The following WNT7B variants were observed in gnomAD, a reference collection of about 807,000 sequenced individuals.
The protein encoded by WNT7B is Wnt family member 7B, also known as protein Wnt-7b.
In WNT7B, 19 loss-of-function variants were observed where a neutral mutation model predicts 38.2. The ratio of observed to expected loss-of-function variants is 0.50; its 90% confidence interval spans 0.35 to 0.73. WNT7B has a LOEUF of 0.73. Among genes scored for constraint, WNT7B ranks in the 30% least tolerant of loss-of-function variants. WNT7B has a pLI of 0.01. For missense variants in WNT7B, 423 were observed against 507.9 expected, an observed-to-expected ratio of 0.83 and a Z score of 1.61; for synonymous variants, 243 against 209.3, an observed-to-expected ratio of 1.16 and a Z score of -1.39.
intron 3 of WNT7B, chr22:45,925,804 C>G: frequency 1.0e-6 from 1 of 985,448 alleles, no homozygotes; most frequent in Non-Finnish European, 1.2e-6. Flanking sequence ...TCACCCCACC[C>G]CGGGCTGCTC....
intron 2 of WNT7B, among the ~76,000 whole-genome samples, chr22:45,942,189 G>A (rs1047870556): frequency 1.3e-5 from 2 of 152,228 alleles, no homozygotes; most frequent in African/African-American, 4.8e-5. Context: ...AGCTCCTGGT[G>A]TTACCCGGCC....
At chr22:45,964,190 T>C (rs1932259701) in intron 1 of WNT7B, among the ~76,000 whole-genome samples, 1 of 152,006 alleles carries the variant, frequency 6.6e-6, no homozygotes, top group East Asian at 1.9e-4. Context: ...CCGGAGCCAC[T>C]GACTCCCTAT....
chr22:45,972,212 G>A (rs1306168830), intron 1 of WNT7B: 1 of 649,350 alleles, frequency 1.5e-6, no homozygotes, highest in Non-Finnish European at 2.8e-6. Flanking sequence ...GGAGACGAGC[G>A]CGCTGCGCGG....
intron 1 of WNT7B, among the ~76,000 whole-genome samples, chr22:45,974,743 C>T (rs892118825): frequency 2.0e-4 from 31 of 152,262 alleles, no homozygotes; most frequent in East Asian, 7.7e-4. Context: ...CACAGGTGCC[C>T]GGGGCTCAGG....
chr22:45,930,344 T>G (rs1931298926), intron 3 of WNT7B, among the ~76,000 whole-genome samples: 2 of 152,248 alleles, frequency 1.3e-5, no homozygotes, highest in Admixed American at 1.3e-4. Context: ...GTCCCACACC[T>G]GAGAAGCCCC....
intron 3 of WNT7B, chr22:45,926,037 C>T (rs1339861269): frequency 3.0e-6 from 3 of 985,330 alleles, no homozygotes; most frequent in Non-Finnish European, 2.4e-6. Flanking sequence ...CATGCTACTG[C>T]CCGCCTGGGG....
intron 2 of WNT7B, among the ~76,000 whole-genome samples, chr22:45,941,509 C>CA (rs1166391533): frequency 0.027 from 2,103 of 79,188 alleles, 20 homozygotes; most frequent in Middle Eastern, 0.072. Flanking sequence ...GCCTTTGTCT[C>CA]AAAAAAAAAA....
At chr22:45,943,371 G>A (rs1601726813) in intron 2 of WNT7B, among the ~76,000 whole-genome samples, 2 of 152,254 alleles carry the variant, frequency 1.3e-5, no homozygotes, top group Admixed American at 6.5e-5. Flanking sequence ...CCTTTGTTCC[G>A]ACCCAGCGGA....
At chr22:45,955,183 G>A (rs1055225624) in intron 1 of WNT7B, among the ~76,000 whole-genome samples, 4 of 152,162 alleles carry the variant, frequency 2.6e-5, no homozygotes, top group Non-Finnish European at 4.4e-5. Context: ...GCTGCCCCGG[G>A]CACTGTCCAG....
intron 3 of WNT7B, among the ~76,000 whole-genome samples, chr22:45,930,120 ACT>A (rs1219573658): frequency 7.9e-5 from 12 of 152,122 alleles, no homozygotes; most frequent in African/African-American, 2.2e-4. Flanking sequence ...TCACTCTGAC[ACT>A]CTCCTACACA....
chr22:45,941,124 G>A (rs571921916), intron 2 of WNT7B, among the ~76,000 whole-genome samples: 4 of 152,322 alleles, frequency 2.6e-5, no homozygotes, highest in African/African-American at 4.8e-5. Flanking sequence ...GACCCGCCAG[G>A]TAGAGGAGGT....
At position 45,931,094 on chromosome 22, in the gene WNT7B, C is replaced by T. The variant is rs1445002014; in HGVS notation, c.570+4G>A. ...GGCCCCCACCAGCCGCACCCGCACC[C>T]TACCTTCCTGCCGGCCTCATTGTTA... On this transcript the variant is annotated splice_donor_region_variant and intron_variant, in intron 3 of 3. Coordinates refer to ENST00000339464, the MANE Select transcript of WNT7B (RefSeq NM_058238.3). The T allele has an allele frequency of 1.3e-6, 2 of 1,570,572 alleles. No homozygotes were observed. Among genetic ancestry groups the T allele is most frequent in the South Asian group, 2.3e-5 (2 of 87,838 alleles).
At chr22:45,961,353 G>T (rs888598253) in intron 1 of WNT7B, among the ~76,000 whole-genome samples, 1 of 152,206 alleles carries the variant, frequency 6.6e-6, no homozygotes, top group Non-Finnish European at 1.5e-5. Context: ...TTGGCAAGTG[G>T]CAGGGGAGGC....
intron 3 of WNT7B, chr22:45,927,586 G>A (rs748018111): frequency 3.8e-6 from 4 of 1,043,692 alleles, no homozygotes; most frequent in South Asian, 1.4e-5. Context: ...TAAATCCAAT[G>A]AGAGTGTCCA....
rs1932534685 is a variant in WNT7B at position 45,975,645 on chromosome 22, T to G, written c.71+1039A>C. The G allele has an allele frequency of 4.2e-6, 3 of 710,316 alleles. No homozygotes were observed. In the Admixed American group the frequency reaches 6.0e-5, roughly 14 times the overall value. The allele number at this position is 710,316 out of a possible 1,614,324, so 44.0% of individuals were successfully genotyped here. Reference sequence around the variant, plus strand: ...CCTGGGAAGCCGCGTCTCCCACCAGTGGTACCTGCACCTGCCCCTCCCGCG... The same window carrying G: ...CCTGGGAAGCCGCGTCTCCCACCAGGGGTACCTGCACCTGCCCCTCCCGCG... On this transcript the variant is annotated intron_variant, in intron 1 of 3. Transcript: ENST00000339464. This position sits in a 1 kb window ranked among gnomAD's most constrained non-coding sequence, Gnocchi z 6.6.
At chr22:45,938,178 C>G (rs1931558010) in intron 2 of WNT7B, among the ~76,000 whole-genome samples, 2 of 152,288 alleles carry the variant, frequency 1.3e-5, no homozygotes, top group Admixed American at 1.3e-4. Context: ...CAGTGGCACG[C>G]AGGTCATCAT....
intron 3 of WNT7B, chr22:45,926,039 C>T (rs1017214183): frequency 1.6e-4 from 161 of 985,298 alleles, no homozygotes; most frequent in Non-Finnish European, 1.9e-4. Context: ...TGCTACTGCC[C>T]GCCTGGGGAT....
chr22:45,972,227 A>T (rs1468453603), intron 1 of WNT7B: 1 of 643,474 alleles, frequency 1.6e-6, no homozygotes, highest in South Asian at 1.6e-5. Context: ...GCGCGGCGAC[A>T]GTAGAAGCAT....
chr22:45,927,746 AT>A (rs60779860), intron 3 of WNT7B, among the ~76,000 whole-genome samples: 21,173 of 152,150 alleles, frequency 0.14, 3,174 homozygotes, highest in African/African-American at 0.36. Flanking sequence ...CAATACAGAA[AT>A]TAGCTGGGCA....
Sources: allele counts gnomAD v4.1 joint callset (sites outside exome capture counted in the v4.1 genomes callset), GRCh38; gene constraint gnomAD v4.1.1; non-coding constraint Gnocchi (gnomAD v3.1); transcripts MANE v1.5; gene names NCBI Gene and HGNC (gene_info 2026-07-23, HGNC 2026-07-21).